GRIN2A: variants seen among roughly 807,000 people sequenced by gnomAD.
The protein encoded by GRIN2A is glutamate receptor ionotropic, NMDA 2A.
GRIN2A carries 22 observed loss-of-function variants against 113.4 expected under a neutral mutation model. That is an observed-to-expected ratio of 0.19 (90% CI 0.14 to 0.28). The LOEUF is 0.28. Ranked by LOEUF, GRIN2A falls within the 10% of genes least tolerant of loss-of-function variation. The pLI is 1.00. For synonymous variants in GRIN2A, 827 were observed against 738.4 expected, an observed-to-expected ratio of 1.12 and a Z score of -1.94; for missense variants, 1,502 against 1,887.0, an observed-to-expected ratio of 0.80 and a Z score of 3.78.
At chr16:9,996,024 CAAAAAAAAAAAAAA>C (rs57133009) in intron 2 of GRIN2A, among the ~76,000 whole-genome samples, 6 of 51,112 alleles carry the variant, frequency 1.2e-4, no homozygotes, top group Admixed American at 3.0e-4. Flanking sequence ...CAGAGGGTGG[CAAAAAAAAAAAAAA>C]AAAAAAAAAA....
intron 11 of GRIN2A, among the ~76,000 whole-genome samples, chr16:9,777,501 C>T (rs1053895172): frequency 1.3e-5 from 2 of 152,106 alleles, no homozygotes; most frequent in Admixed American, 6.5e-5. Context: ...CAGAATATTC[C>T]ATTTCTGTAT....
At chr16:10,025,194 C>A (rs1209887997) in intron 2 of GRIN2A, among the ~76,000 whole-genome samples, 1 of 151,386 alleles carries the variant, frequency 6.6e-6, no homozygotes, top group Non-Finnish European at 1.5e-5. Context: ...AATGGTGCAG[C>A]TGAATCATAA....
chr16:10,000,405 C>T (rs979572675), intron 2 of GRIN2A, among the ~76,000 whole-genome samples: 2 of 152,122 alleles, frequency 1.3e-5, no homozygotes, highest in African/African-American at 4.8e-5. Flanking sequence ...AGTCATGTCT[C>T]AGCTATCAAG....
chr16:9,886,908 G>C (rs2043596669), intron 4 of GRIN2A, among the ~76,000 whole-genome samples: 3 of 152,094 alleles, frequency 2.0e-5, no homozygotes, highest in African/African-American at 7.2e-5. Context: ...TTTGTTTTGA[G>C]ACAAAACCTT....
rs748101743 is a variant in GRIN2A, at chr16:9,762,610, A to G, written c.*539T>C. 57 of 239,298 alleles carry G rather than the reference A, an allele frequency of 2.4e-4. No individual in the cohort carries two copies. The highest frequency in any genetic ancestry group is 3.9e-4 in the Non-Finnish European group (47 of 121,530). 14.8% of individuals were successfully genotyped at this position (239,298 alleles called of 1,614,324 possible). Reference sequence around the variant, plus strand: ...GCTGTGATGGAAGGCATAACAAGAAAGCTGAAACTGTTACGAGCCAAACTT... The same window carrying G: ...GCTGTGATGGAAGGCATAACAAGAAGGCTGAAACTGTTACGAGCCAAACTT... On this transcript the variant is annotated 3_prime_UTR_variant, in exon 13 of 13. Coordinates refer to ENST00000330684, the MANE Select transcript of GRIN2A (RefSeq NM_001134407.3).
At chr16:9,989,672 G>A (rs1443376530) in intron 2 of GRIN2A, among the ~76,000 whole-genome samples, 2 of 151,858 alleles carry the variant, frequency 1.3e-5, no homozygotes, top group Non-Finnish European at 2.9e-5. Context: ...GAAGCTATAA[G>A]GAACTTAAAT....
chr16:9,936,124 A>T (rs1051993626), intron 3 of GRIN2A, among the ~76,000 whole-genome samples: 1 of 152,216 alleles, frequency 6.6e-6, no homozygotes, highest in Non-Finnish European at 1.5e-5. Flanking sequence ...TGAATATGAC[A>T]ATCTCTAGAA....
chr16:10,005,390 C>T (rs2046388319), intron 2 of GRIN2A, among the ~76,000 whole-genome samples: 1 of 152,150 alleles, frequency 6.6e-6, no homozygotes, highest in Middle Eastern at 3.2e-3. Context: ...ATGAGTATAA[C>T]ATTTTTTATT....
intron 2 of GRIN2A, chr16:10,037,222 T>C (rs573456161): frequency 6.6e-6 from 1 of 152,310 alleles, no homozygotes; most frequent in Non-Finnish European, 1.5e-5. Context: ...ACGGCAGCCA[T>C]GCAAAACTCT....
At position 9,758,449 on chromosome 16, in the gene GRIN2A, TA is replaced by T; in HGVS notation, c.*4699del. On this transcript the variant is annotated 3_prime_UTR_variant, in exon 13 of 13. Transcript: ENST00000330684. ...CTGTCATCCTCCCTACAACTGAGAT[TA>T]AAAAAATATAGTGCCCTCTCTACAG... is the stretch of plus-strand genomic sequence containing the variant. 4.6e-6 allele frequency: 1 copy of T among 219,716 alleles called. No individual in the cohort carries two copies. The highest frequency in any genetic ancestry group is 9.1e-6 in the Non-Finnish European group (1 of 109,444). 13.6% of individuals were successfully genotyped at this position (219,716 alleles called of 1,614,324 possible). A position where few individuals can be genotyped will look rare whatever the true frequency, so the allele number is the denominator to read the frequency against.
rs147419689 is a variant in GRIN2A, at chr16:9,760,913, C to A, written c.*2236G>T. 4.3e-6 allele frequency: 1 copy of A among 232,468 alleles called. No individual in the cohort carries two copies. Among genetic ancestry groups the A allele is most frequent in the Non-Finnish European group, 8.5e-6 (1 of 117,692 alleles). 14.4% of individuals were successfully genotyped at this position (232,468 alleles called of 1,614,324 possible). A position where few individuals can be genotyped will look rare whatever the true frequency, so the allele number is the denominator to read the frequency against. On this transcript the variant is annotated 3_prime_UTR_variant, in exon 13 of 13. Coordinates refer to ENST00000330684, the MANE Select transcript of GRIN2A (RefSeq NM_001134407.3). The stretch of plus-strand genomic sequence containing the variant: ...AGAAAGGGCTAAAAGGCTACACAGT[C>A]ATGGAGATTCAGATTTAGGATCAGA...
rs1177916783 is a variant in GRIN2A, at chr16:9,763,267, T to C, written c.4277A>G (p.Glu1426Gly). Reference protein sequence around the residue: ...SRGHNDVYISEHVMPYAANKN... With the variant: ...SRGHNDVYISGHVMPYAANKN... Reference sequence around the variant, plus strand: ...ATTTGCAGCATAAGGCATAACATGCTCCGAAATATACACATCATTGTGGCC... The same window carrying C: ...ATTTGCAGCATAAGGCATAACATGCCCCGAAATATACACATCATTGTGGCC... The change falls in exon 13 of 13, where the codon GAG (glutamate) becomes GGG (glycine). Residue 1426 changes from glutamate (E) to glycine (G), a missense_variant. By Grantham distance (98) the Glu-to-Gly change is moderately conservative (BLOSUM62 -2). Transcript: ENST00000330684. The C allele has an allele frequency of 1.2e-6, 2 of 1,614,130 alleles. No individual in the cohort carries two copies. Among genetic ancestry groups the C allele is most frequent in the Non-Finnish European group, 1.7e-6 (2 of 1,180,010 alleles).
At chr16:9,846,774 A>G (rs1177142450) in intron 5 of GRIN2A, among the ~76,000 whole-genome samples, 1 of 152,228 alleles carries the variant, frequency 6.6e-6, no homozygotes, top group Non-Finnish European at 1.5e-5. Flanking sequence ...TTAAAGGATG[A>G]GTAAGAATTA....
chr16:9,891,429 T>C (rs1009565432), intron 3 of GRIN2A, among the ~76,000 whole-genome samples: 15 of 152,212 alleles, frequency 9.9e-5, no homozygotes, highest in Admixed American at 5.2e-4. Flanking sequence ...AGCTGCTTGC[T>C]CATAAACCAC....
At chr16:9,955,182 C>A (rs570528579) in intron 2 of GRIN2A, among the ~76,000 whole-genome samples, 1 of 152,290 alleles carries the variant, frequency 6.6e-6, no homozygotes, top group African/African-American at 2.4e-5. Context: ...AGGACAAATA[C>A]CACAAATCAC....
At chr16:9,987,829 G>A (rs1443061346) in intron 2 of GRIN2A, among the ~76,000 whole-genome samples, 2 of 152,256 alleles carry the variant, frequency 1.3e-5, no homozygotes, top group East Asian at 3.9e-4. Context: ...CAAGCATGGA[G>A]TCAATTTAAT....
chr16:9,758,113 C>G lies in GRIN2A; in HGVS notation c.*5036G>C, dbSNP rs576422103. The G allele has an allele frequency of 4.7e-6, 1 of 214,362 alleles. No individual in the cohort carries two copies. The highest frequency in any genetic ancestry group is 6.9e-5 in the East Asian group (1 of 14,490). 13.3% of individuals were successfully genotyped at this position (214,362 alleles called of 1,614,324 possible). A position where few individuals can be genotyped will look rare whatever the true frequency, so the allele number is the denominator to read the frequency against. On this transcript the variant is annotated 3_prime_UTR_variant, in exon 13 of 13. Transcript: ENST00000330684. ...AAACTTCATTTTTCTCATCTCTCCTCCCCTTCTCCTAACTTTTGGTGTGGT... is the reference window on the plus strand; with the variant it reads ...AAACTTCATTTTTCTCATCTCTCCTGCCCTTCTCCTAACTTTTGGTGTGGT...
chr16:9,887,187 C>T (rs1018752298), intron 4 of GRIN2A, among the ~76,000 whole-genome samples: 2 of 151,926 alleles, frequency 1.3e-5, no homozygotes. Context: ...AAGCCCGGCC[C>T]GGATTTAGGT....
chr16:9,938,521 C>G lies in GRIN2A; in HGVS notation c.445G>C (p.Ala149Pro). Residue 149 changes from alanine (A) to proline (P), a missense_variant, in exon 3 of 13, where the codon GCG (alanine) becomes CCG (proline). By Grantham distance (27) the Ala-to-Pro change is conservative. This residue lies in a region of GRIN2A where 334 missense variants were observed against 403.0 expected (regional missense o/e 0.83). Coordinates refer to ENST00000330684, the MANE Select transcript of GRIN2A (RefSeq NM_001134407.3). ...DPTSTFFQFG[A>P]SIQQQATVML... ...ACCGTGGCTTGCTGCTGGATGGACGCTCCAAACTGGAAGAAGGTAGACGTC... is the reference window on the plus strand; with the variant it reads ...ACCGTGGCTTGCTGCTGGATGGACGGTCCAAACTGGAAGAAGGTAGACGTC... The G allele has an allele frequency of 4.4e-6, 7 of 1,608,308 alleles. No individual in the cohort carries two copies. The highest frequency in any genetic ancestry group is 5.9e-6 in the Non-Finnish European group (7 of 1,179,912).
Sources: allele counts gnomAD v4.1 joint callset (sites outside exome capture counted in the v4.1 genomes callset), GRCh38; gene constraint gnomAD v4.1.1; regional missense constraint gnomAD v4.1.1; transcripts MANE v1.5; gene names NCBI Gene and HGNC (gene_info 2026-07-23, HGNC 2026-07-21).